MYO9A: variants seen among roughly 807,000 people sequenced by gnomAD.
The protein encoded by MYO9A is myosin IXA.
A neutral mutation model predicts 293.3 loss-of-function variants in MYO9A; 103 were observed. The observed-to-expected ratio is 0.35, with a 90% CI of 0.30 to 0.41. The LOEUF is 0.41. Ranked by LOEUF, MYO9A falls within the 10% of genes least tolerant of loss-of-function variation. MYO9A has a pLI of 1.00. For missense variants in MYO9A, 2,685 were observed against 3,033.0 expected (o/e 0.89, Z 2.69); for synonymous variants, 1,001 against 1,035.7 (o/e 0.97, Z 0.64).
rs60977581 is a variant in MYO9A, at chr15:72,077,752, AATATAT to A, written c.-71-31124_-71-31119del. Among the ~76,000 whole-genome samples the A allele has an allele frequency of 7.1e-3, 511 of 72,202 alleles. 4 individuals are homozygous for A. The highest frequency in any genetic ancestry group is 0.018 in the African/African-American group (233 of 12,660). 47.4% of individuals were successfully genotyped at this position (72,202 alleles called of 152,430 possible). A position where few individuals can be genotyped will look rare whatever the true frequency, so the allele number is the denominator to read the frequency against. On this transcript the variant is annotated intron_variant, in intron 1 of 41. Coordinates refer to ENST00000356056, the MANE Select transcript of MYO9A (RefSeq NM_006901.4). The stretch of plus-strand genomic sequence containing the variant: ...CTCAAAGAAAAAAAAAAAAAAAAAA[AATATAT>A]ATATATATATATATATATATATAAA...
rs189825402 is a variant in MYO9A, at chr15:72,118,064, T to C, written c.-456A>G. The C allele has an allele frequency of 7.0e-3, 2,752 of 395,054 alleles. 80 individuals carry two copies. The highest frequency in any genetic ancestry group is 0.061 in the Admixed American group (1,383 of 22,582). 24.5% of individuals were successfully genotyped at this position (395,054 alleles called of 1,614,324 possible). On this transcript the variant is annotated 5_prime_UTR_variant, in exon 1 of 42. In the 5' UTR this introduces an upstream ATG that the reference lacks. Coordinates refer to ENST00000356056, the MANE Select transcript of MYO9A (RefSeq NM_006901.4). ...CACAGCCAACCGCCGCCGCGTCCCT[T>C]ATCCGCTTCGGTCGCGCGCCCCCGA...
At position 71,825,990 on chromosome 15, in the gene MYO9A, TTTTTG is replaced by T. The variant is rs1433153162; in HGVS notation, c.*585_*589del. 1 of 117,450 alleles carries T rather than the reference TTTTTG, an allele frequency of 8.5e-6. No homozygotes were observed. Among genetic ancestry groups the T allele is most frequent in the African/African-American group, 4.4e-5 (1 of 22,868 alleles). The allele number at this position is 117,450 out of a possible 1,614,324, so 7.3% of individuals were successfully genotyped here. A position where few individuals can be genotyped will look rare whatever the true frequency, so the allele number is the denominator to read the frequency against. The stretch of plus-strand genomic sequence containing the variant: ...GCTTAATGGAAACAATCACGGTTTT[TTTTTG>T]TTTTTTTTTTTTTGTTTTTTTTTTT... On this transcript the variant is annotated 3_prime_UTR_variant, in exon 42 of 42. Transcript: ENST00000356056.
intron 10 of MYO9A, 124 bp from the exon 11 acceptor site, chr15:71,991,361 C>T: frequency 1.5e-6 from 1 of 647,900 alleles, no homozygotes; most frequent in South Asian, 3.3e-5. Flanking sequence ...TTGTGTTTGG[C>T]CAGTATTCAA....
intron 1 of MYO9A, among the ~76,000 whole-genome samples, chr15:72,051,769 G>A (rs370378656): frequency 1.4e-3 from 210 of 152,272 alleles, no homozygotes; most frequent in African/African-American, 4.4e-3. Flanking sequence ...GAGGGAGGCT[G>A]AGGGGGTACT....
At chr15:72,031,625 T>G (rs999853519) in intron 3 of MYO9A, among the ~76,000 whole-genome samples, 3 of 152,068 alleles carry the variant, frequency 2.0e-5, no homozygotes, top group African/African-American at 7.2e-5. Flanking sequence ...TAAACTGAAA[T>G]CACAGATAAG....
intron 26 of MYO9A, chr15:71,893,023 T>C (rs764870973): frequency 1.2e-4 from 161 of 1,289,666 alleles, no homozygotes; most frequent in Non-Finnish European, 1.6e-4. Context: ...TAGCTCACAG[T>C]GAGAAGCTTG....
rs761673058 is a variant in MYO9A, at chr15:71,935,439, C to T, written c.2424G>A (p.Gln808=). Residue 808 remains glutamine (Q), a synonymous_variant, in exon 17 of 42, where the codon CAG becomes CAA. Coordinates refer to ENST00000356056, the MANE Select transcript of MYO9A (RefSeq NM_006901.4). The stretch of plus-strand genomic sequence containing the variant: ...AGGAGGTGCCACTTGATAGTCTGCT[C>T]TGGCGAATCCCAGTTCTGCCATTCC... ...IAWNGRTGIR[Q]SRLSSGTSLL... is the part of the protein sequence containing the mutation. 2 of 1,613,634 alleles carry T rather than the reference C, an allele frequency of 1.2e-6. No homozygotes were observed. The highest frequency in any genetic ancestry group is 1.7e-6 in the Non-Finnish European group (2 of 1,179,684).
intron 1 of MYO9A, among the ~76,000 whole-genome samples, chr15:72,084,418 T>C (rs1043276774): frequency 1.3e-5 from 2 of 152,200 alleles, no homozygotes; most frequent in African/African-American, 2.4e-5. Context: ...CCTTAGTTTT[T>C]TTATCCAATT....
chr15:71,940,109 T>C (rs1318443019), intron 15 of MYO9A, among the ~76,000 whole-genome samples: 2 of 152,176 alleles, frequency 1.3e-5, no homozygotes, highest in Admixed American at 1.3e-4. Flanking sequence ...GCTTGGCACA[T>C]AGTCAACACT....
At chr15:71,838,791 A>G (rs186145736) in intron 39 of MYO9A, among the ~76,000 whole-genome samples, 1 of 152,328 alleles carries the variant, frequency 6.6e-6, no homozygotes, top group East Asian at 1.9e-4. Flanking sequence ...AAGCAGTTTA[A>G]GACATTATTA....
intron 1 of MYO9A, among the ~76,000 whole-genome samples, chr15:72,102,517 GAAAT>G (rs1461407106): frequency 7.5e-6 from 1 of 133,156 alleles, no homozygotes; most frequent in Non-Finnish European, 1.7e-5. Context: ...AAAAAAAAAA[GAAAT>G]AACAGATTAG....
chr15:71,974,924 G>C (rs1394299476), intron 12 of MYO9A, among the ~76,000 whole-genome samples: 1 of 152,218 alleles, frequency 6.6e-6, no homozygotes, highest in Admixed American at 6.5e-5. Context: ...AGGAGGAATA[G>C]CAGCTGAGGG....
At chr15:72,089,519 C>G (rs979990909) in intron 1 of MYO9A, among the ~76,000 whole-genome samples, 1 of 152,044 alleles carries the variant, frequency 6.6e-6, no homozygotes, top group South Asian at 2.1e-4. Context: ...GAGGCTCACA[C>G]CTATAATCCC....
At chr15:71,959,270 T>G in intron 14 of MYO9A, 1 of 152,228 alleles carries the variant, frequency 6.6e-6, no homozygotes, top group Non-Finnish European at 1.5e-5. Flanking sequence ...AATATATCTA[T>G]TTGTCTCAAA....
intron 3 of MYO9A, among the ~76,000 whole-genome samples, chr15:72,028,214 A>ATATATATAT (rs1555408252): frequency 1.6e-4 from 6 of 37,548 alleles, no homozygotes; most frequent in Admixed American, 3.3e-4. Flanking sequence ...TAAATAAATA[A>ATATATATAT]ATAAATATAT....
intron 31 of MYO9A, among the ~76,000 whole-genome samples, chr15:71,876,206 G>A (rs2056678978): frequency 1.3e-5 from 2 of 149,804 alleles, no homozygotes; most frequent in Non-Finnish European, 3.0e-5. Context: ...AGTGCAATTG[G>A]TGCAGTCTAG....
chr15:71,906,906 G>C (rs1466826540), intron 19 of MYO9A, among the ~76,000 whole-genome samples: 1 of 149,272 alleles, frequency 6.7e-6, no homozygotes, highest in East Asian at 2.0e-4. Flanking sequence ...TGGGACTACA[G>C]GCCCCACCAC....
At chr15:71,844,699 C>T (rs150514952) in intron 39 of MYO9A, among the ~76,000 whole-genome samples, 16 of 151,994 alleles carry the variant, frequency 1.1e-4, no homozygotes, top group Admixed American at 5.2e-4. Flanking sequence ...CTCACGATAG[C>T]GAAAGAATGC....
intron 19 of MYO9A, among the ~76,000 whole-genome samples, chr15:71,905,656 G>A (rs531313603): frequency 1.0e-3 from 157 of 150,806 alleles, no homozygotes; most frequent in African/African-American, 3.7e-3. Flanking sequence ...GCGTGGTGGT[G>A]CCCGGCTGAG....
Sources: gnomAD v4.1 joint callset for allele counts (sites outside exome capture counted in the v4.1 genomes callset) on GRCh38, gnomAD v4.1.1 for gene constraint, MANE v1.5 for transcripts, NCBI Gene and HGNC (gene_info 2026-07-23, HGNC 2026-07-21) for gene names.